ZNF385D: variants seen among roughly 807,000 people sequenced by gnomAD.
The protein encoded by ZNF385D is zinc finger protein 659.
ZNF385D carries 15 observed loss-of-function variants against 35.8 expected under a neutral mutation model. That is an observed-to-expected ratio of 0.42 (90% CI 0.28 to 0.64). The LOEUF is 0.64. ZNF385D is among the 30% of genes least tolerant of loss of function. The pLI, the probability that ZNF385D is intolerant of heterozygous loss-of-function variation, is 0.23. For missense variants in ZNF385D, 474 were observed against 494.6 expected (o/e 0.96, Z 0.39); for synonymous variants, 212 against 186.8 (o/e 1.13, Z -1.10).
chr3:22,258,146 G>A (rs1278118735), intron 2 of ZNF385D, among the ~76,000 whole-genome samples: 1 of 151,806 alleles, frequency 6.6e-6, no homozygotes, highest in South Asian at 2.1e-4. Flanking sequence ...AAATAGAACA[G>A]ATTCCACTTT....
intron 2 of ZNF385D, among the ~76,000 whole-genome samples, chr3:21,625,166 A>T (rs1476342994): frequency 6.6e-6 from 1 of 152,072 alleles, no homozygotes; most frequent in Non-Finnish European, 1.5e-5. Flanking sequence ...TAAGGATATC[A>T]CCTAATTAAC....
At chr3:22,113,768 G>A (rs533837921) in intron 3 of ZNF385D, among the ~76,000 whole-genome samples, 158 of 152,128 alleles carry the variant, frequency 1.0e-3, no homozygotes, top group African/African-American at 3.5e-3. Flanking sequence ...GGTGAATCAC[G>A]AGTCAGGAGA....
intron 3 of ZNF385D, among the ~76,000 whole-genome samples, chr3:22,080,026 C>T (rs561219181): frequency 1.8e-4 from 27 of 151,966 alleles, no homozygotes; most frequent in Admixed American, 5.3e-4. Flanking sequence ...AGTTGTTACA[C>T]TTTCCTGGTA....
At chr3:21,923,426 C>T (rs1700575137) in intron 3 of ZNF385D, among the ~76,000 whole-genome samples, 1 of 152,274 alleles carries the variant, frequency 6.6e-6, no homozygotes, top group East Asian at 1.9e-4. Flanking sequence ...TAAATTAGTT[C>T]AGCCACTGGG....
At chr3:22,150,683 C>T (rs181885554) in intron 3 of ZNF385D, among the ~76,000 whole-genome samples, 1 of 152,140 alleles carries the variant, frequency 6.6e-6, no homozygotes, top group African/African-American at 2.4e-5. Context: ...TCTTATCTAG[C>T]TTGTCATCAA....
At chr3:21,491,148 C>T (rs1244440437) in intron 4 of ZNF385D, among the ~76,000 whole-genome samples, 1 of 139,468 alleles carries the variant, frequency 7.2e-6, no homozygotes, top group Non-Finnish European at 1.5e-5. Context: ...GTGAGGTGTG[C>T]CTAAAAGTAC....
chr3:22,328,957 G>T (rs1164267513), intron 2 of ZNF385D, among the ~76,000 whole-genome samples: 2 of 150,846 alleles, frequency 1.3e-5, no homozygotes, highest in Non-Finnish European at 2.9e-5. Flanking sequence ...GGCGCCTGTA[G>T]TCCCACCTAC....
intron 3 of ZNF385D, among the ~76,000 whole-genome samples, chr3:21,924,755 A>T (rs1575929236): frequency 1.3e-5 from 2 of 152,076 alleles, no homozygotes; most frequent in South Asian, 4.1e-4. Flanking sequence ...CTCTCAGCCA[A>T]GGTATTCTGT....
At chr3:21,724,144 G>A (rs1036257771) in intron 1 of ZNF385D, among the ~76,000 whole-genome samples, 3 of 152,016 alleles carry the variant, frequency 2.0e-5, no homozygotes, top group African/African-American at 7.3e-5. Context: ...AAGAGCTCCT[G>A]AAGGAAGCAC....
intron 6 of ZNF385D, among the ~76,000 whole-genome samples, chr3:21,425,123 G>A (rs181712509): frequency 1.4e-4 from 22 of 152,180 alleles, no homozygotes; most frequent in African/African-American, 3.9e-4. Context: ...AAATTAAAAC[G>A]GAATACTGCA....
chr3:21,619,124 CA>C (rs1253286835), intron 2 of ZNF385D, among the ~76,000 whole-genome samples: 1 of 152,074 alleles, frequency 6.6e-6, no homozygotes, highest in Non-Finnish European at 1.5e-5. Flanking sequence ...AGAGAAACCC[CA>C]ATTACCTCAC....
intron 4 of ZNF385D, among the ~76,000 whole-genome samples, chr3:21,469,015 T>C (rs1240893819): frequency 6.6e-6 from 1 of 152,108 alleles, no homozygotes; most frequent in African/African-American, 2.4e-5. Context: ...AGATTAGTGA[T>C]TGCCTCTGTG....
chr3:22,326,802 C>CA (rs1694700216), intron 2 of ZNF385D, among the ~76,000 whole-genome samples: 1 of 152,146 alleles, frequency 6.6e-6, no homozygotes, highest in Non-Finnish European at 1.5e-5. Flanking sequence ...AAGGAACACC[C>CA]ACATCAAGAT....
chr3:21,774,216 G>C (rs1418753647), intron 3 of ZNF385D, among the ~76,000 whole-genome samples: 1 of 151,794 alleles, frequency 6.6e-6, no homozygotes, highest in Admixed American at 6.6e-5. Flanking sequence ...GGAGCTGAAT[G>C]ATGAGAAGAC....
At chr3:22,297,234 C>G (rs1273720979) in intron 2 of ZNF385D, among the ~76,000 whole-genome samples, 1 of 152,026 alleles carries the variant, frequency 6.6e-6, no homozygotes, top group Non-Finnish European at 1.5e-5. Context: ...TATTCGCAAC[C>G]CCAGATCCCC....
chr3:21,733,790 T>C (rs924001882), intron 1 of ZNF385D, among the ~76,000 whole-genome samples: 1 of 152,178 alleles, frequency 6.6e-6, no homozygotes, highest in African/African-American at 2.4e-5. Context: ...GAATCCACTT[T>C]ACTTATTTGT....
At chr3:22,268,906 T>G (rs1387204947) in intron 2 of ZNF385D, among the ~76,000 whole-genome samples, 2 of 151,954 alleles carry the variant, frequency 1.3e-5, no homozygotes, top group Non-Finnish European at 2.9e-5. Context: ...AATGGGGTTG[T>G]GGTGAAGATA....
chr3:22,362,536 T>C (rs532372254), intron 2 of ZNF385D, among the ~76,000 whole-genome samples: 10 of 152,132 alleles, frequency 6.6e-5, no homozygotes, highest in Admixed American at 1.3e-4. Context: ...GTGTCTACTT[T>C]ATTTGGGAGA....
chr3:21,816,059 A>G (rs2073136784), intron 3 of ZNF385D, among the ~76,000 whole-genome samples: 1 of 152,210 alleles, frequency 6.6e-6, no homozygotes, highest in Non-Finnish European at 1.5e-5. Context: ...TCCAGCATAT[A>G]AACAGAACCA....
Sources: allele counts gnomAD v4.1 joint callset (sites outside exome capture counted in the v4.1 genomes callset), GRCh38; gene constraint gnomAD v4.1.1; transcripts MANE v1.5; gene names NCBI Gene and HGNC (gene_info 2026-07-23, HGNC 2026-07-21).